KIF13B: variants seen among roughly 807,000 people sequenced by gnomAD.
KIF13B encodes the protein kinesin family member 13B, also known as kinesin-like protein KIF13B.
In KIF13B, 127 loss-of-function variants were observed where a neutral mutation model predicts 222.0. The observed-to-expected ratio is 0.57, with a 90% CI of 0.50 to 0.66. The LOEUF is 0.66. Ranked by LOEUF, KIF13B falls within the 30% of genes least tolerant of loss-of-function variation. The probability of loss-of-function intolerance (pLI) is 0.00; values close to 1 mark genes in which losing one functional copy is unlikely to be tolerated. For missense variants in KIF13B, 2,173 were observed against 2,379.0 expected, an observed-to-expected ratio of 0.91 and a Z score of 1.80; for synonymous variants, 976 against 919.0, an observed-to-expected ratio of 1.06 and a Z score of -1.12.
At chr8:29,262,905 C>CA in intron 1 of KIF13B, 75 bp downstream of exon 1, 1 of 1,273,392 alleles carries the variant, frequency 7.9e-7, no homozygotes, top group Non-Finnish European at 1.1e-6. Flanking sequence ...CCGGACCCCC[C>CA]ACGGCGGCCG....
intron 2 of KIF13B, among the ~76,000 whole-genome samples, chr8:29,218,307 T>C (rs1411570657): frequency 6.6e-6 from 1 of 152,222 alleles, no homozygotes; most frequent in Non-Finnish European, 1.5e-5. Flanking sequence ...AGGTTAACCA[T>C]GACTACAACC....
intron 2 of KIF13B, among the ~76,000 whole-genome samples, chr8:29,240,012 G>GA (rs1355414142): frequency 2.8e-4 from 15 of 52,830 alleles, no homozygotes; most frequent in Non-Finnish European, 3.0e-4. Context: ...GAATCTAAAA[G>GA]AAAAAAAAAA....
At chr8:29,238,729 C>T (rs117883547) in intron 2 of KIF13B, among the ~76,000 whole-genome samples, 4,204 of 152,282 alleles carry the variant, frequency 0.028, 106 homozygotes, top group Admixed American at 0.059. Flanking sequence ...ATCTTCCCCA[C>T]CTGTTCTAAA....
chr8:29,125,584 C>A (rs551554659), intron 26 of KIF13B, among the ~76,000 whole-genome samples: 1 of 152,226 alleles, frequency 6.6e-6, no homozygotes, highest in African/African-American at 2.4e-5. Context: ...TATAGGAAAG[C>A]AGACATTTCT....
chr8:29,203,981 G>C (rs1285013233), intron 2 of KIF13B, among the ~76,000 whole-genome samples: 2 of 151,990 alleles, frequency 1.3e-5, no homozygotes, highest in Non-Finnish European at 2.9e-5. Flanking sequence ...CAGAAGGTAG[G>C]AGGAGACCTA....
chr8:29,085,254 GT>G (rs1333168276), intron 37 of KIF13B, among the ~76,000 whole-genome samples: 2 of 152,202 alleles, frequency 1.3e-5, no homozygotes, highest in Non-Finnish European at 2.9e-5. Flanking sequence ...CTTCTCTGCA[GT>G]TATGGGTCTG....
At chr8:29,085,810 A>G (rs1808025483) in intron 37 of KIF13B, among the ~76,000 whole-genome samples, 1 of 111,090 alleles carries the variant, frequency 9.0e-6, no homozygotes, top group South Asian at 3.4e-4. Context: ...TGATAGCACC[A>G]TTGCACTCCA....
At chr8:29,144,844 G>A (rs1586838119) in intron 18 of KIF13B, among the ~76,000 whole-genome samples, 1 of 152,340 alleles carries the variant, frequency 6.6e-6, no homozygotes, top group East Asian at 1.9e-4. Context: ...AGACTACAGA[G>A]TCAGCCTAAC....
chr8:29,167,913 C>T (rs530071918), intron 10 of KIF13B, among the ~76,000 whole-genome samples: 6 of 152,230 alleles, frequency 3.9e-5, no homozygotes, highest in African/African-American at 1.4e-4. Context: ...ACAGACTACT[C>T]GGAATAAAAA....
chr8:29,168,630 C>A (rs1336731602), intron 10 of KIF13B, among the ~76,000 whole-genome samples: 2 of 152,208 alleles, frequency 1.3e-5, no homozygotes, highest in Non-Finnish European at 2.9e-5. Flanking sequence ...GAGAGGCCCA[C>A]AGGCACGAGT....
chr8:29,153,574 C>A (rs1811391695), intron 14 of KIF13B, among the ~76,000 whole-genome samples: 1 of 151,964 alleles, frequency 6.6e-6, no homozygotes, highest in South Asian at 2.1e-4. Flanking sequence ...TCATGCCCCT[C>A]TCCTGCTGAA....
chr8:29,166,277 G>C (rs926931913), intron 11 of KIF13B, among the ~76,000 whole-genome samples: 6 of 152,114 alleles, frequency 3.9e-5, no homozygotes, highest in African/African-American at 1.4e-4. Context: ...GTAAAAATAC[G>C]ATCAAGATAA....
intron 36 of KIF13B, among the ~76,000 whole-genome samples, chr8:29,098,914 C>A (rs1458758851): frequency 6.6e-6 from 1 of 152,138 alleles, no homozygotes; most frequent in East Asian, 1.9e-4. Context: ...CAGCAATGTA[C>A]GGCTAACACA....
chr8:29,246,655 C>A (rs545504903), intron 1 of KIF13B, among the ~76,000 whole-genome samples: 1 of 152,210 alleles, frequency 6.6e-6, no homozygotes, highest in East Asian at 1.9e-4. Context: ...ACAAAACAAT[C>A]TTGAAAAAGA....
chr8:29,192,162 A>C (rs1813219326), intron 3 of KIF13B, among the ~76,000 whole-genome samples: 1 of 152,086 alleles, frequency 6.6e-6, no homozygotes, highest in South Asian at 2.1e-4. Context: ...CTTCCTATTA[A>C]CACAGACATT....
intron 2 of KIF13B, among the ~76,000 whole-genome samples, chr8:29,201,301 C>A (rs1399038629): frequency 6.6e-6 from 1 of 152,200 alleles, no homozygotes; most frequent in South Asian, 2.1e-4. Context: ...AATAAACTAA[C>A]CTCTTCCTCC....
intron 22 of KIF13B, among the ~76,000 whole-genome samples, chr8:29,133,175 A>G (rs891676741): frequency 6.6e-6 from 1 of 152,224 alleles, no homozygotes; most frequent in African/African-American, 2.4e-5. Flanking sequence ...TGGGGACCCA[A>G]TAGTCCACAT....
chr8:29,208,743 AT>A (rs1465049975), intron 2 of KIF13B, among the ~76,000 whole-genome samples: 1 of 151,992 alleles, frequency 6.6e-6, no homozygotes, highest in Non-Finnish European at 1.5e-5. Context: ...TAGCTTCCTT[AT>A]TTTTTGCCCC....
intron 2 of KIF13B, among the ~76,000 whole-genome samples, chr8:29,222,893 T>C (rs1164018064): frequency 1.3e-5 from 2 of 152,126 alleles, no homozygotes; most frequent in Non-Finnish European, 2.9e-5. Flanking sequence ...CATGATGTGT[T>C]TTCCTCAAAA....
Sources: gnomAD v4.1 joint callset for allele counts (sites outside exome capture counted in the v4.1 genomes callset) on GRCh38, gnomAD v4.1.1 for gene constraint, MANE v1.5 for transcripts, NCBI Gene and HGNC (gene_info 2026-07-23, HGNC 2026-07-21) for gene names.